ACP6: variants seen among roughly 807,000 people sequenced by gnomAD.
The protein encoded by ACP6 is acid phosphatase 6, lysophosphatidic.
ACP6 carries 48 observed loss-of-function variants against 48.1 expected under a neutral mutation model. The observed-to-expected ratio is 1.00, with a 90% CI of 0.79 to 1.27. The LOEUF (loss-of-function observed/expected upper bound fraction) is 1.27, where lower values mean the gene tolerates loss of function less well. ACP6 is among the 50% of genes most tolerant of loss of function. ACP6 has a pLI of 0.00. For missense variants in ACP6, 485 were observed against 529.1 expected (o/e 0.92, Z 0.82); for synonymous variants, 172 against 204.2 (o/e 0.84, Z 1.34).
At chr1:147,659,864 C>T (rs1553212453) in intron 1 of ACP6, 89 bp from the exon 2 acceptor site, 2 of 1,477,364 alleles carry the variant, frequency 1.4e-6, no homozygotes, top group East Asian at 4.7e-5. Flanking sequence ...GAACACATGG[C>T]TGGAATCACT....
chr1:147,659,414 A>C lies in ACP6; in HGVS notation c.461T>G (p.Phe154Cys). 6.2e-7 allele frequency: 1 copy of C among 1,614,134 alleles called. No homozygotes were observed. Among genetic ancestry groups the C allele is most frequent in the Non-Finnish European group, 8.5e-7 (1 of 1,179,988 alleles). Reference protein sequence around the residue: ...VEDIPFLSPTFNPQEVFIRST... With the variant: ...VEDIPFLSPTCNPQEVFIRST... The stretch of plus-strand genomic sequence containing the variant: ...GACTCACAAGACCTCCTGTGGGTTG[A>C]AGGTTGGTGAAAGAAAGGGAATGTC... The change falls in exon 3 of 10, where the codon TTC (phenylalanine) becomes TGC (cysteine). Residue 154 changes from phenylalanine to cysteine, a missense_variant. Coordinates refer to ENST00000583509, the MANE Select transcript of ACP6 (RefSeq NM_016361.5).
intron 1 of ACP6, among the ~76,000 whole-genome samples, chr1:147,665,685 A>G (rs1282233665): frequency 6.6e-6 from 1 of 152,208 alleles, no homozygotes; most frequent in Non-Finnish European, 1.5e-5. Context: ...GCCTGACACA[A>G]AGCTCCACAG....
chr1:147,658,013 A>G (rs147387819), intron 4 of ACP6, among the ~76,000 whole-genome samples: 26 of 152,328 alleles, frequency 1.7e-4, no homozygotes, highest in African/African-American at 6.3e-4. Context: ...GAGCTTTCAG[A>G]AGATCAGGTG....
chr1:147,652,890 G>A (rs1311081315), intron 6 of ACP6, among the ~76,000 whole-genome samples: 1 of 152,180 alleles, frequency 6.6e-6, no homozygotes, highest in Non-Finnish European at 1.5e-5. Context: ...GCAGTGGCAC[G>A]ATCTCGGCTC....
intron 5 of ACP6, among the ~76,000 whole-genome samples, chr1:147,633,507 CTT>C (rs1273370053): frequency 2.0e-5 from 3 of 147,050 alleles, no homozygotes; most frequent in Non-Finnish European, 3.0e-5. Flanking sequence ...GCAAAAGTTT[CTT>C]TTTTTTTTTT....
chr1:147,645,583 A>T lies in ACP6; in HGVS notation c.*1840T>A, dbSNP rs1269032970. 1 of 152,230 alleles carries T rather than the reference A, an allele frequency of 6.6e-6. No individual in the cohort carries two copies. The highest frequency in any genetic ancestry group is 1.5e-5 in the Non-Finnish European group (1 of 68,040). 9.4% of individuals were successfully genotyped at this position (152,230 alleles called of 1,614,324 possible). A position where few individuals can be genotyped will look rare whatever the true frequency, so the allele number is the denominator to read the frequency against. ...AAGCCAGTGAAGGAAATAGTCTAGGAATACTGATGAGAAGCTTAGTAAGAA... is the reference window on the plus strand; with the variant it reads ...AAGCCAGTGAAGGAAATAGTCTAGGTATACTGATGAGAAGCTTAGTAAGAA... On this transcript the variant is annotated 3_prime_UTR_variant, in exon 10 of 10. Coordinates refer to ENST00000583509, the MANE Select transcript of ACP6 (RefSeq NM_016361.5).
At chr1:147,663,366 G>A (rs1183809329) in intron 1 of ACP6, among the ~76,000 whole-genome samples, 1 of 152,126 alleles carries the variant, frequency 6.6e-6, no homozygotes, top group Non-Finnish European at 1.5e-5. Flanking sequence ...GGAAGAATAA[G>A]CTTTAGTGAT....
intron 5 of ACP6, among the ~76,000 whole-genome samples, chr1:147,631,564 C>T (rs1439273604): frequency 1.3e-5 from 2 of 152,082 alleles, no homozygotes; most frequent in Non-Finnish European, 2.9e-5. Flanking sequence ...GCCTGTAATC[C>T]CTGCACTTTG....
chr1:147,667,437 C>T (rs185808984), intron 1 of ACP6, among the ~76,000 whole-genome samples: 26 of 152,062 alleles, frequency 1.7e-4, no homozygotes, highest in East Asian at 1.2e-3. Context: ...GGGCTGATCT[C>T]GAACTCCTGA....
At chr1:147,664,771 C>T (rs868943213) in intron 1 of ACP6, among the ~76,000 whole-genome samples, 1 of 152,188 alleles carries the variant, frequency 6.6e-6, no homozygotes, top group South Asian at 2.1e-4. Context: ...ATGTAAATGA[C>T]AGCAATACCA....
intron 5 of ACP6, among the ~76,000 whole-genome samples, chr1:147,635,792 A>AT (rs1659283574): frequency 6.6e-6 from 1 of 152,268 alleles, no homozygotes; most frequent in African/African-American, 2.4e-5. Context: ...GAACTCAGTC[A>AT]TGAGGGATTG....
chr1:147,652,798 A>G (rs587753573), intron 6 of ACP6, among the ~76,000 whole-genome samples: 19 of 143,950 alleles, frequency 1.3e-4, no homozygotes, highest in African/African-American at 4.9e-4. Flanking sequence ...ATGACTCCCC[A>G]TCCACTCAAA....
At chr1:147,659,892 C>T in intron 1 of ACP6, 117 bp from the exon 2 acceptor site, 2 of 1,247,538 alleles carry the variant, frequency 1.6e-6, no homozygotes, top group South Asian at 1.5e-5. Context: ...GGCCTGCAAC[C>T]TTCCTATGGG....
At chr1:147,667,346 T>G (rs1476652185) in intron 1 of ACP6, among the ~76,000 whole-genome samples, 2 of 151,588 alleles carry the variant, frequency 1.3e-5, no homozygotes, top group Non-Finnish European at 2.9e-5. Context: ...GCCTCCCGAG[T>G]AGCTGGGATT....
At chr1:147,665,025 G>A (rs782642134) in intron 1 of ACP6, among the ~76,000 whole-genome samples, 5 of 152,234 alleles carry the variant, frequency 3.3e-5, no homozygotes, top group Non-Finnish European at 7.3e-5. Context: ...CAAAGAAGTG[G>A]TTTGGTTTGC....
At chr1:147,651,755 C>G (rs1453926052) in intron 7 of ACP6, 3 of 152,146 alleles carry the variant, frequency 2.0e-5, no homozygotes, top group South Asian at 2.1e-4. Flanking sequence ...GCCTTTCCCC[C>G]CTACTCATCT....
In ACP6 at chr1:147,669,700, T is replaced by C. The variant is rs1660983983; in HGVS notation, c.219+130A>G. 5 of 956,402 alleles carry C rather than the reference T, an allele frequency of 5.2e-6. 1 individual carries two copies. Among genetic ancestry groups the C allele is most frequent in the Non-Finnish European group, 7.6e-6 (5 of 659,290 alleles). 59.2% of individuals were successfully genotyped at this position (956,402 alleles called of 1,614,324 possible). Reference sequence around the variant, plus strand: ...GGGGAGTCACTGGCTACTGCTGTTTTCCCTTCTTCTGGACCCAACCCGAGC... The same window carrying C: ...GGGGAGTCACTGGCTACTGCTGTTTCCCCTTCTTCTGGACCCAACCCGAGC... On this transcript the variant is annotated intron_variant, in intron 1 of 9. Transcript: ENST00000583509.
intron 7 of ACP6, 35 bp downstream of exon 7, chr1:147,652,414 A>G (rs1553210692): frequency 6.3e-7 from 1 of 1,588,132 alleles, no homozygotes; most frequent in Admixed American, 1.7e-5. Flanking sequence ...TGTCTGACCA[A>G]GCGTGACTTC....
chr1:147,651,160 T>C (rs1659899288), intron 7 of ACP6: 1 of 152,188 alleles, frequency 6.6e-6, no homozygotes, highest in South Asian at 2.1e-4. Flanking sequence ...ACCAACACTG[T>C]ATGCAACACA....
Sources: allele counts gnomAD v4.1 joint callset (sites outside exome capture counted in the v4.1 genomes callset), GRCh38; gene constraint gnomAD v4.1.1; transcripts MANE v1.5; gene names NCBI Gene and HGNC (gene_info 2026-07-23, HGNC 2026-07-21).